The following SLC20A2 variants were observed in gnomAD, a reference collection of about 807,000 sequenced individuals.
SLC20A2 encodes the protein solute carrier family 20 member 2.
Under a neutral mutation model 61.0 loss-of-function variants are expected in SLC20A2, and 30 were observed. The ratio of observed to expected loss-of-function variants is 0.49; its 90% CI spans 0.37 to 0.67. The LOEUF is 0.67. Among genes scored for constraint, SLC20A2 ranks in the 30% least tolerant of loss-of-function variants. The pLI, the probability that SLC20A2 is intolerant of heterozygous loss-of-function variation, is 0.00. For synonymous variants in SLC20A2, 351 were observed against 353.3 expected (o/e 0.99, Z 0.07); for missense variants, 626 against 866.4 (o/e 0.72, Z 3.48).
chr8:42,427,636 CTCTT>C (rs1359126050), intron 10 of SLC20A2, among the ~76,000 whole-genome samples: 2 of 152,204 alleles, frequency 1.3e-5, no homozygotes, highest in Non-Finnish European at 2.9e-5. Flanking sequence ...AAAAAACAAA[CTCTT>C]TCCACTGAGG....
In SLC20A2 at chr8:42,458,186, G is replaced by A. The variant is rs141211134; in HGVS notation, c.613+1710C>T. On this transcript the variant is annotated intron_variant, in intron 5 of 10. Coordinates refer to ENST00000520262, the MANE Select transcript of SLC20A2 (RefSeq NM_001257180.2). ...ATCCCACAGTCTGGCTGTAGGAGGC[G>A]CATCTCACAAACAGAAGAGGAATAT... 2.5e-3 allele frequency among the ~76,000 whole-genome samples: 386 copies of A among 152,260 alleles called. 1 individual carries two copies. Among genetic ancestry groups the A allele is most frequent in the Non-Finnish European group, 4.0e-3 (270 of 68,024 alleles).
chr8:42,488,935 G>GTTTTTTTTT (rs34643152), intron 1 of SLC20A2, among the ~76,000 whole-genome samples: 7 of 83,528 alleles, frequency 8.4e-5, no homozygotes, highest in East Asian at 4.1e-4. Context: ...TAGGAGTTTT[G>GTTTTTTTTT]TTTTTTTTTT....
At chr8:42,486,443 G>C (rs866347975) in intron 1 of SLC20A2, among the ~76,000 whole-genome samples, 1 of 151,972 alleles carries the variant, frequency 6.6e-6, no homozygotes, top group East Asian at 1.9e-4. Context: ...GCGATCCTCC[G>C]GCCTTGGCCT....
intron 5 of SLC20A2, among the ~76,000 whole-genome samples, chr8:42,445,746 A>G (rs1027118947): frequency 6.6e-6 from 1 of 152,060 alleles, no homozygotes; most frequent in Non-Finnish European, 1.5e-5. Context: ...AAAAGAAATA[A>G]AGAAAAAAAA....
intron 10 of SLC20A2, among the ~76,000 whole-genome samples, chr8:42,424,898 T>G (rs1204657668): frequency 6.6e-6 from 1 of 151,908 alleles, no homozygotes; most frequent in Non-Finnish European, 1.5e-5. Flanking sequence ...ATACAAAAAT[T>G]AGCCAACCAT....
chr8:42,473,982 C>T (rs749082952), intron 1 of SLC20A2, among the ~76,000 whole-genome samples: 6 of 152,000 alleles, frequency 3.9e-5, no homozygotes, highest in Non-Finnish European at 8.8e-5. Context: ...ACTAGCCTGG[C>T]CAACATGGTG....
At chr8:42,438,063 C>CAAAAAAAAAAAAAAAAAAAAAAAAAA (rs1391262305) in intron 7 of SLC20A2, among the ~76,000 whole-genome samples, 2 of 26,808 alleles carry the variant, frequency 7.5e-5, no homozygotes, top group African/African-American at 1.9e-4. Flanking sequence ...AAAAAAAAAC[C>CAAAAAAAAAAAAAAAAAAAAAAAAAA]AAAAAAAAAA....
At chr8:42,433,381 T>G (rs1172436880) in intron 8 of SLC20A2, among the ~76,000 whole-genome samples, 2 of 152,152 alleles carry the variant, frequency 1.3e-5, no homozygotes, top group Non-Finnish European at 2.9e-5. Context: ...TGGAGTGCAG[T>G]GACATGATCT....
rs377369501 is a variant in SLC20A2 at position 42,418,244 on chromosome 8, G to A, written c.1795-277C>T. Among the ~76,000 whole-genome samples the A allele has an allele frequency of 9.2e-5, 14 of 152,310 alleles. No homozygotes were observed. In the South Asian group the frequency reaches 1.5e-3, roughly 16 times the overall value. ...TGCAGTGGTGTGATCTCAGCTTACT[G>A]CAACCTCCATCTCCCAGGTTCAAGC... On this transcript the variant is annotated intron_variant, in intron 10 of 10. Coordinates refer to ENST00000520262, the MANE Select transcript of SLC20A2 (RefSeq NM_001257180.2).
intron 1 of SLC20A2, among the ~76,000 whole-genome samples, chr8:42,474,478 A>G (rs1290925484): frequency 1.3e-5 from 2 of 152,198 alleles, no homozygotes; most frequent in African/African-American, 4.8e-5. Context: ...GAGACAAATG[A>G]AAAGACCACT....
intron 1 of SLC20A2, among the ~76,000 whole-genome samples, chr8:42,483,708 G>GTAGA (rs1410454114): frequency 6.6e-6 from 1 of 152,160 alleles, no homozygotes; most frequent in Non-Finnish European, 1.5e-5. Context: ...CCAAAAATAG[G>GTAGA]TAGATATTCG....
chr8:42,430,397 C>G, intron 8 of SLC20A2, 148 bp from the exon 9 acceptor site: 1 of 729,392 alleles, frequency 1.4e-6, no homozygotes, highest in Admixed American at 3.1e-5. Flanking sequence ...GAGTCTTGCT[C>G]TGTTGCCCAG....
chr8:42,431,530 C>A (rs370059365), intron 8 of SLC20A2, among the ~76,000 whole-genome samples: 3 of 152,232 alleles, frequency 2.0e-5, no homozygotes, highest in African/African-American at 7.2e-5. Flanking sequence ...GCAGCGAGTT[C>A]TCCAGAAGAT....
At chr8:42,460,716 A>T (rs1806631119) in intron 4 of SLC20A2, among the ~76,000 whole-genome samples, 1 of 152,218 alleles carries the variant, frequency 6.6e-6, no homozygotes, top group South Asian at 2.1e-4. Flanking sequence ...GCATGTTTTC[A>T]GTTAAATAAC....
chr8:42,476,084 C>CTTTTTTTTTTTT (rs11350697), intron 1 of SLC20A2, among the ~76,000 whole-genome samples: 1 of 42,056 alleles, frequency 2.4e-5, no homozygotes, highest in Non-Finnish European at 4.5e-5. Flanking sequence ...TTTACTGTGT[C>CTTTTTTTTTTTT]TTTTTTTTTT....
At chr8:42,535,515 C>G (rs1251701908) in intron 1 of SLC20A2, among the ~76,000 whole-genome samples, 1 of 152,160 alleles carries the variant, frequency 6.6e-6, no homozygotes, top group Non-Finnish European at 1.5e-5. Flanking sequence ...AAGGGCATCA[C>G]AGGGTATACA....
intron 1 of SLC20A2, among the ~76,000 whole-genome samples, chr8:42,507,835 T>A (rs928797601): frequency 1.3e-5 from 2 of 152,174 alleles, no homozygotes; most frequent in Admixed American, 1.3e-4. Context: ...AATAGGAACA[T>A]AAGCAAAGAA....
intron 4 of SLC20A2, chr8:42,460,252 C>T (rs1251050650): frequency 3.1e-6 from 1 of 323,604 alleles, no homozygotes; most frequent in African/African-American, 2.1e-5. Context: ...CCTGGAATCA[C>T]ATGAGCTGAT....
intron 1 of SLC20A2, among the ~76,000 whole-genome samples, chr8:42,522,278 G>C (rs1811641275): frequency 8.2e-6 from 1 of 121,768 alleles, no homozygotes; most frequent in Non-Finnish European, 2.0e-5. Flanking sequence ...TTCAGATGAG[G>C]ACACCGAAGG....
Sources: gnomAD v4.1 joint callset for allele counts (sites outside exome capture counted in the v4.1 genomes callset) on GRCh38, gnomAD v4.1.1 for gene constraint, MANE v1.5 for transcripts, NCBI Gene and HGNC (gene_info 2026-07-23, HGNC 2026-07-21) for gene names.